BLTP3B: variants seen among roughly 807,000 people sequenced by gnomAD.
BLTP3B encodes the protein bridge-like lipid transfer protein family member 3B.
chr12:100,084,678 T>C, the BLTP3B span: 5 of 1,600,652 alleles, frequency 3.1e-6, no homozygotes, highest in East Asian at 1.1e-4. Context: ...GAACAACAGG[T>C]ATTTCATTGA....
chr12:100,137,524 T>G, the BLTP3B span, among the ~76,000 whole-genome samples: 1 of 152,090 alleles, frequency 6.6e-6, no homozygotes, highest in African/African-American at 2.4e-5. Context: ...TCATCATGTT[T>G]CCCAGACTGA....
the BLTP3B span, among the ~76,000 whole-genome samples, chr12:100,128,032 C>CA: frequency 6.6e-6 from 1 of 151,712 alleles, no homozygotes; most frequent in Non-Finnish European, 1.5e-5. Flanking sequence ...CCTACCACTT[C>CA]AAAAAACAAA....
At chr12:100,044,230 G>T in the BLTP3B span, among the ~76,000 whole-genome samples, 1 of 152,076 alleles carries the variant, frequency 6.6e-6, no homozygotes, top group Non-Finnish European at 1.5e-5. Flanking sequence ...CTACCATTTT[G>T]ATCTTTGTTG....
the BLTP3B span, among the ~76,000 whole-genome samples, chr12:100,040,583 G>A: frequency 6.6e-6 from 1 of 152,180 alleles, no homozygotes; most frequent in African/African-American, 2.4e-5. Context: ...GCAGCCTGGA[G>A]GCTGAGGCAG....
the BLTP3B span, among the ~76,000 whole-genome samples, chr12:100,068,386 A>G: frequency 6.6e-6 from 1 of 152,272 alleles, no homozygotes; most frequent in Non-Finnish European, 1.5e-5. Flanking sequence ...CCCTGAAACT[A>G]TAAAAATTCT....
At chr12:100,112,319 T>C in the BLTP3B span, among the ~76,000 whole-genome samples, 33 of 152,152 alleles carry the variant, frequency 2.2e-4, no homozygotes, top group Non-Finnish European at 4.1e-4. Flanking sequence ...AGTGACTATA[T>C]TAGTGAGACC....
chr12:100,051,517 G>T, the BLTP3B span: 2 of 231,606 alleles, frequency 8.6e-6, no homozygotes, highest in Non-Finnish European at 1.7e-5. Context: ...GAAAAATTAG[G>T]TAAGAAAACC....
the BLTP3B span, among the ~76,000 whole-genome samples, chr12:100,101,732 T>A: frequency 6.6e-6 from 1 of 152,242 alleles, no homozygotes; most frequent in Non-Finnish European, 1.5e-5. Flanking sequence ...AAATACAACC[T>A]GTGGAAAGCA....
the BLTP3B span, among the ~76,000 whole-genome samples, chr12:100,052,355 A>T: frequency 6.6e-6 from 1 of 151,970 alleles, no homozygotes; most frequent in African/African-American, 2.4e-5. Context: ...CTCTAAACAA[A>T]TTTTTTTAAA....
chr12:100,048,158 G>C, the BLTP3B span: 2 of 1,604,330 alleles, frequency 1.2e-6, no homozygotes, highest in Non-Finnish European at 1.7e-6. Context: ...GAAATCTCAG[G>C]AGAGGATTTG....
chr12:100,116,362 G>A, the BLTP3B span, among the ~76,000 whole-genome samples: 1 of 147,432 alleles, frequency 6.8e-6, no homozygotes, highest in Admixed American at 6.9e-5. Context: ...GCTGAGGTGA[G>A]AGGACTATTT....
At chr12:100,041,736 G>C in the BLTP3B span, among the ~76,000 whole-genome samples, 10 of 151,954 alleles carry the variant, frequency 6.6e-5, no homozygotes, top group African/African-American at 2.4e-4. Flanking sequence ...CGCCCGGCCT[G>C]CTATTGTCAC....
At chr12:100,117,909 G>A in the BLTP3B span, among the ~76,000 whole-genome samples, 2 of 152,018 alleles carry the variant, frequency 1.3e-5, no homozygotes, top group Non-Finnish European at 2.9e-5. Context: ...GTTATCTGGG[G>A]GACTCATTTA....
the BLTP3B span, among the ~76,000 whole-genome samples, chr12:100,127,888 C>G: frequency 1.3e-5 from 2 of 152,042 alleles, no homozygotes; most frequent in Non-Finnish European, 2.9e-5. Context: ...GGGTACATGC[C>G]TGTAGTCCCA....
the BLTP3B span, among the ~76,000 whole-genome samples, chr12:100,126,453 A>G: frequency 6.6e-6 from 1 of 152,084 alleles, no homozygotes; most frequent in South Asian, 2.1e-4. Context: ...AAGTGAGAGG[A>G]GAAAAAAAAA....
the BLTP3B span, chr12:100,050,199 G>C: frequency 1.3e-6 from 2 of 1,579,506 alleles, no homozygotes; most frequent in South Asian, 2.4e-5. Context: ...AATGCCGAAG[G>C]CTGATATTGC....
the BLTP3B span, among the ~76,000 whole-genome samples, chr12:100,072,128 G>A: frequency 6.6e-6 from 1 of 152,248 alleles, no homozygotes; most frequent in African/African-American, 2.4e-5. Context: ...TGGGCCTGGT[G>A]GTGCATGCCT....
At chr12:100,056,851 A>C in the BLTP3B span, among the ~76,000 whole-genome samples, 3,636 of 152,024 alleles carry the variant, frequency 0.024, 154 homozygotes, top group African/African-American at 0.083. Context: ...GAAAGAAAAA[A>C]GAAAGTAATT....
the BLTP3B span, chr12:100,037,326 A>G: frequency 2.0e-6 from 2 of 1,023,082 alleles, no homozygotes; most frequent in Non-Finnish European, 1.2e-6. Flanking sequence ...CGAAAATGAG[A>G]TATCAAAATT....
Sources: gnomAD v4.1 joint callset for allele counts (sites outside exome capture counted in the v4.1 genomes callset) on GRCh38, gnomAD v4.1.1 for gene constraint, MANE v1.5 for transcripts, NCBI Gene and HGNC (gene_info 2026-07-23, HGNC 2026-07-21) for gene names.